Variants in GRIK3 observed in about 807,000 individuals in gnomAD.
GRIK3 encodes glutamate ionotropic receptor kainate type subunit 3, also known as glutamate receptor ionotropic, kainate 3.
Under a neutral mutation model 102.5 loss-of-function variants are expected in GRIK3, and 29 were observed. That is an observed-to-expected ratio of 0.28 (90% CI 0.21 to 0.39). The LOEUF (loss-of-function observed/expected upper bound fraction) is 0.39, where lower values mean the gene tolerates loss of function less well. GRIK3 is among the 10% of genes least tolerant of loss of function. GRIK3 has a pLI of 1.00. For synonymous variants in GRIK3, 511 were observed against 504.9 expected, an observed-to-expected ratio of 1.01 and a Z score of -0.16; for missense variants, 908 against 1,252.4, an observed-to-expected ratio of 0.73 and a Z score of 4.15.
At chr1:36,908,887 C>T in intron 1 of GRIK3, among the ~76,000 whole-genome samples, 1 of 151,786 alleles carries the variant, frequency 6.6e-6, no homozygotes, top group East Asian at 1.9e-4. Flanking sequence ...TTTCTTCAAA[C>T]AAAACCTTGT....
intron 11 of GRIK3, among the ~76,000 whole-genome samples, chr1:36,825,093 T>C (rs2124197296): frequency 6.6e-6 from 1 of 152,290 alleles, no homozygotes; most frequent in African/African-American, 2.4e-5. Context: ...TGCAAGCATG[T>C]TGCTAGCAGG....
chr1:36,860,745 T>G (rs1004497007), intron 5 of GRIK3, among the ~76,000 whole-genome samples: 4 of 152,120 alleles, frequency 2.6e-5, no homozygotes, highest in Non-Finnish European at 5.9e-5. Context: ...AGAAGCCAGG[T>G]GTCCCTAAGC....
chr1:36,925,094 C>A (rs1281966443), intron 1 of GRIK3, among the ~76,000 whole-genome samples: 1 of 152,208 alleles, frequency 6.6e-6, no homozygotes, highest in East Asian at 1.9e-4. Flanking sequence ...GAAGCTCCAG[C>A]AGGAAGATTC....
chr1:36,819,724 G>A lies in GRIK3; in HGVS notation c.1873+12C>T. The A allele has an allele frequency of 7.4e-7, 1 of 1,348,332 alleles. No individual in the cohort carries two copies. The highest frequency in any genetic ancestry group is 1.1e-6 in the Non-Finnish European group (1 of 937,400). 83.5% of individuals were successfully genotyped at this position (1,348,332 alleles called of 1,614,324 possible). A position where few individuals can be genotyped will look rare whatever the true frequency, so the allele number is the denominator to read the frequency against. ...GACCCTGGAAGGGGAGGCCCTGGGA[G>A]AGGGTGCATACCTTGCTGCATCAGG... On this transcript the variant is annotated intron_variant, in intron 12 of 15. Transcript: ENST00000373091. This position sits in a 1 kb window ranked among gnomAD's most constrained non-coding sequence, Gnocchi z 4.1.
chr1:36,856,236 G>A (rs1477313633), intron 7 of GRIK3, among the ~76,000 whole-genome samples: 1 of 152,208 alleles, frequency 6.6e-6, no homozygotes, highest in Non-Finnish European at 1.5e-5. Flanking sequence ...ATCACAGCAG[G>A]TGCCTTCAAA....
chr1:36,915,625 A>C (rs1201731243), intron 1 of GRIK3, among the ~76,000 whole-genome samples: 3 of 152,020 alleles, frequency 2.0e-5, no homozygotes, highest in Admixed American at 6.6e-5. Flanking sequence ...TCATGGGGGC[A>C]GGTCTTTCCC....
chr1:36,975,388 G>T (rs1642185729), intron 1 of GRIK3, among the ~76,000 whole-genome samples: 1 of 146,212 alleles, frequency 6.8e-6, no homozygotes, highest in Non-Finnish European at 1.5e-5. Flanking sequence ...TCCACCTCCT[G>T]GGCTTAAGTG....
chr1:36,990,480 T>C (rs1642353537), intron 1 of GRIK3, among the ~76,000 whole-genome samples: 1 of 152,184 alleles, frequency 6.6e-6, no homozygotes, highest in Non-Finnish European at 1.5e-5. Context: ...AGGCAGTCTC[T>C]GAGGCTGCTG....
chr1:36,938,604 T>A (rs72917592), intron 1 of GRIK3, among the ~76,000 whole-genome samples: 1,524 of 151,708 alleles, frequency 0.01, 21 homozygotes, highest in African/African-American at 0.028. Context: ...CAACCCAGAG[T>A]GACTTTTCCC....
At position 36,808,292 on chromosome 1, in the gene GRIK3, T is replaced by C. The variant is rs376098693; in HGVS notation, c.2092-1966A>G. Among the ~76,000 whole-genome samples the C allele has an allele frequency of 5.3e-5, 8 of 152,376 alleles. No individual in the cohort carries two copies. In the East Asian group the frequency reaches 9.6e-4, roughly 18 times the overall value. ...TCTCCTGTTGTAGAAAGCTTCTAGA[T>C]GGCTCCTACAGATCCCCATTTCTGG... On this transcript the variant is annotated intron_variant, in intron 13 of 15. Coordinates refer to ENST00000373091, the MANE Select transcript of GRIK3 (RefSeq NM_000831.4).
intron 1 of GRIK3, among the ~76,000 whole-genome samples, chr1:36,992,181 G>C (rs1309214571): frequency 6.6e-6 from 1 of 152,216 alleles, no homozygotes; most frequent in Non-Finnish European, 1.5e-5. Flanking sequence ...CCCTTCCCAA[G>C]TTTGGGAAAG....
At chr1:36,983,419 C>A (rs1046144423) in intron 1 of GRIK3, among the ~76,000 whole-genome samples, 1 of 152,100 alleles carries the variant, frequency 6.6e-6, no homozygotes, top group Non-Finnish European at 1.5e-5. Context: ...CTTCTGGCAC[C>A]GGGTGTAGGA....
At chr1:36,804,137 G>C (rs140846732) in intron 15 of GRIK3, among the ~76,000 whole-genome samples, 1 of 152,130 alleles carries the variant, frequency 6.6e-6, no homozygotes, top group Non-Finnish European at 1.5e-5. Context: ...GTTGACTAAG[G>C]CTTGCTGGTT....
intron 1 of GRIK3, among the ~76,000 whole-genome samples, chr1:37,020,851 C>G (rs188594231): frequency 2.0e-5 from 3 of 152,184 alleles, no homozygotes; most frequent in Non-Finnish European, 4.4e-5. Context: ...CCGGCTACCC[C>G]CGGCCCTGGC....
At chr1:36,910,852 C>T (rs1488117482) in intron 1 of GRIK3, among the ~76,000 whole-genome samples, 1 of 152,186 alleles carries the variant, frequency 6.6e-6, no homozygotes, top group Non-Finnish European at 1.5e-5. Flanking sequence ...TTAGTTTCAG[C>T]CCCGTTCTTC....
intron 10 of GRIK3, among the ~76,000 whole-genome samples, chr1:36,835,448 G>A (rs1640365669): frequency 6.6e-6 from 1 of 152,196 alleles, no homozygotes; most frequent in Non-Finnish European, 1.5e-5. Context: ...TTTCCAGGGT[G>A]CAGACTCACA....
rs137958502 is a variant in GRIK3 at position 36,837,649 on chromosome 1, A to G, written c.1530+4087T>C. On this transcript the variant is annotated intron_variant, in intron 10 of 15. Coordinates refer to ENST00000373091, the MANE Select transcript of GRIK3 (RefSeq NM_000831.4). ...GTTCAGATTCTCCATAGCCCTCGGG[A>G]TTAAAGTCCAGTTCCTCGGTTCAGC... 1.8e-3 allele frequency among the ~76,000 whole-genome samples: 275 copies of G among 152,028 alleles called. 1 individual carries two copies. The highest frequency in any genetic ancestry group is 6.5e-3 in the African/African-American group (270 of 41,472).
intron 6 of GRIK3, 33 bp from the exon 7 acceptor site, chr1:36,859,284 C>A: frequency 6.3e-7 from 1 of 1,579,450 alleles, no homozygotes; most frequent in Non-Finnish European, 8.6e-7. Context: ...GAGCGGCTCC[C>A]AAGGCCCTCC....
chr1:36,811,905 G>C (rs1642567114), intron 13 of GRIK3, among the ~76,000 whole-genome samples: 1 of 152,214 alleles, frequency 6.6e-6, no homozygotes, highest in South Asian at 2.1e-4. Context: ...GATAAGTGAA[G>C]TGACTTGCCT....
Sources: allele counts gnomAD v4.1 joint callset (sites outside exome capture counted in the v4.1 genomes callset), GRCh38; gene constraint gnomAD v4.1.1; non-coding constraint Gnocchi (gnomAD v3.1); transcripts MANE v1.5; gene names NCBI Gene and HGNC (gene_info 2026-07-23, HGNC 2026-07-21).